Variants in SIN3A observed in about 807,000 individuals in gnomAD.
SIN3A encodes the protein SIN3 transcription regulator family member A.
SIN3A carries 14 observed loss-of-function variants against 146.1 expected under a neutral mutation model. The observed-to-expected ratio is 0.10, with a 90% CI of 0.06 to 0.15. The LOEUF is 0.15. Among genes scored for constraint, SIN3A ranks in the 10% least tolerant of loss-of-function variants. The pLI, the probability that SIN3A is intolerant of heterozygous loss-of-function variation, is 1.00. For missense variants in SIN3A, 1,028 were observed against 1,576.0 expected (o/e 0.65, Z 5.89); for synonymous variants, 572 against 572.0 (o/e 1.00, Z 0.00).
At chr15:75,406,052 G>A (rs1429246289) in intron 9 of SIN3A, among the ~76,000 whole-genome samples, 2 of 152,122 alleles carry the variant, frequency 1.3e-5, no homozygotes, top group African/African-American at 4.8e-5. Flanking sequence ...TACTAATCAC[G>A]GAGATGTTAA....
At chr15:75,449,264 C>T (rs1318530192) in intron 1 of SIN3A, among the ~76,000 whole-genome samples, 2 of 152,192 alleles carry the variant, frequency 1.3e-5, no homozygotes, top group Non-Finnish European at 2.9e-5. Flanking sequence ...TTTGCAACTT[C>T]CTTAGCAGAG....
chr15:75,430,876 C>T (rs776399254), intron 1 of SIN3A, among the ~76,000 whole-genome samples: 3 of 151,946 alleles, frequency 2.0e-5, no homozygotes, highest in African/African-American at 7.3e-5. Context: ...CCCGGGTTCA[C>T]GCCATTCTCC....
chr15:75,409,904 G>C lies in SIN3A; in HGVS notation c.1249C>G (p.Pro417Ala), dbSNP rs776511019. The C allele has an allele frequency of 2.5e-6, 4 of 1,613,974 alleles. No homozygotes were observed. The Admixed American group carries it at 5.0e-5, about 20-fold the overall frequency. The change falls in exon 8 of 21, where the codon CCG becomes GCG. Residue 417 changes from proline (P) to alanine (A), a missense_variant. Coordinates refer to ENST00000394947, the MANE Select transcript of SIN3A (RefSeq NM_001145358.2). ...TVKKPQLNNK[P>A]QRPSQNGCQI... ...CAGCCATTCTGGCTGGGCCTCTGCG[G>C]CTTGTTGTTCAGTTGGGGCTTCTTG...
At chr15:75,386,730 T>C (rs1171175060) in intron 16 of SIN3A, among the ~76,000 whole-genome samples, 1 of 152,176 alleles carries the variant, frequency 6.6e-6, no homozygotes, top group South Asian at 2.1e-4. Context: ...AATCCTTCCA[T>C]GGTGTGGTCC....
chr15:75,387,119 T>C (rs1348246429), intron 16 of SIN3A, among the ~76,000 whole-genome samples: 5 of 152,188 alleles, frequency 3.3e-5, no homozygotes. Context: ...GACTTTGAAA[T>C]ATATGTTGTA....
At chr15:75,394,897 G>A (rs751695891) in intron 13 of SIN3A, 34 bp from the exon 14 acceptor site, 1 of 1,589,450 alleles carries the variant, frequency 6.3e-7, no homozygotes, top group South Asian at 1.1e-5. Flanking sequence ...AACAACACAT[G>A]GGAATTCAGA....
chr15:75,396,533 C>G (rs948897009), intron 12 of SIN3A, 37 bp from the exon 13 acceptor site: 1 of 1,434,294 alleles, frequency 7.0e-7, no homozygotes, highest in Non-Finnish European at 9.7e-7. Flanking sequence ...GCTCAGGACC[C>G]AAATCAAAAT....
chr15:75,451,241 C>T (rs1225685613), intron 1 of SIN3A, 182 bp downstream of exon 1: 4 of 139,680 alleles, frequency 2.9e-5, no homozygotes, highest in Admixed American at 6.9e-5. Flanking sequence ...TCTCCTCCCC[C>T]TCCCGCGCGG....
intron 8 of SIN3A, among the ~76,000 whole-genome samples, chr15:75,407,401 GATC>G (rs2073534856): frequency 6.6e-6 from 1 of 152,104 alleles, no homozygotes; most frequent in Admixed American, 6.6e-5. Context: ...CTCCAGAAAT[GATC>G]ATGACATTAC....
At position 75,392,492 on chromosome 15, in the gene SIN3A, C is replaced by G. The variant is rs750372062; in HGVS notation, c.2601G>C (p.Leu867=). 7 of 1,614,070 alleles carry G rather than the reference C, an allele frequency of 4.3e-6. No individual in the cohort carries two copies. The African/African-American group carries it at 9.3e-5, about 22-fold the overall frequency. The change falls in exon 15 of 21, where the codon CTG becomes CTC. Residue 867 remains leucine, a synonymous_variant. Coordinates refer to ENST00000394947, the MANE Select transcript of SIN3A (RefSeq NM_001145358.2). ...VGGSPPKSKL[L]FSNTAAQKLR... is the part of the protein sequence containing the mutation. Reference sequence around the variant, plus strand: ...ATTTTTGAGCTGCTGTGTTACTAAACAGTAACTTGGACTTAGGGGGACTGC... The same window carrying G: ...ATTTTTGAGCTGCTGTGTTACTAAAGAGTAACTTGGACTTAGGGGGACTGC...
At chr15:75,429,262 A>G (rs1010884518) in intron 2 of SIN3A, among the ~76,000 whole-genome samples, 1 of 152,092 alleles carries the variant, frequency 6.6e-6, no homozygotes, top group Non-Finnish European at 1.5e-5. Context: ...CTCTACAAAA[A>G]TCATAAAAAT....
chr15:75,401,779 A>G lies in SIN3A; in HGVS notation c.1526+73T>C, dbSNP rs1312733504. 3.2e-6 allele frequency: 3 copies of G among 927,814 alleles called. No homozygotes were observed. The East Asian group carries it at 7.2e-5, about 22-fold the overall frequency. 57.5% of individuals were successfully genotyped at this position (927,814 alleles called of 1,614,324 possible). On this transcript the variant is annotated intron_variant, in intron 10 of 20. Coordinates refer to ENST00000394947, the MANE Select transcript of SIN3A (RefSeq NM_001145358.2). ...CTCAAGTAAATTAACTTTGCCTATC[A>G]TATACTCTCACAAATCAAACATTAC...
intron 6 of SIN3A, 54 bp downstream of exon 6, chr15:75,411,438 T>A (rs1461931523): frequency 2.2e-5 from 34 of 1,535,606 alleles, no homozygotes; most frequent in Non-Finnish European, 4.4e-6. Context: ...GTTATTGGAC[T>A]AGATGCCCTA....
At chr15:75,454,952 G>A (rs918674568), upstream of SIN3A, 5 of 152,318 alleles carry the variant, frequency 3.3e-5, no homozygotes, top group African/African-American at 9.6e-5. Flanking sequence ...ACCGAATGCT[G>A]ACTCGACCGC....
chr15:75,441,615 G>A lies in SIN3A; in HGVS notation c.-34+9808C>T, dbSNP rs908171100. The stretch of plus-strand genomic sequence containing the variant: ...TCTGTAAACAGGTACACACCACCAC[G>A]CTTGGCTTCCATTTTGTAAATTTTG... On this transcript the variant is annotated intron_variant, in intron 1 of 20. Coordinates refer to ENST00000394947, the MANE Select transcript of SIN3A (RefSeq NM_001145358.2). Among the ~76,000 whole-genome samples, 7 of 152,020 alleles carry A rather than the reference G, an allele frequency of 4.6e-5. No individual in the cohort carries two copies. The East Asian group carries it at 5.8e-4, about 13-fold the overall frequency.
intron 16 of SIN3A, among the ~76,000 whole-genome samples, chr15:75,387,561 TAAAA>T (rs33945328): frequency 1.6e-4 from 18 of 113,126 alleles, no homozygotes; most frequent in Non-Finnish European, 2.8e-4. Flanking sequence ...CTGTTTCCAT[TAAAA>T]AAAAAAAAAA....
chr15:75,454,146 T>C (rs919685781), upstream of SIN3A, among the ~76,000 whole-genome samples: 68 of 140,960 alleles, frequency 4.8e-4, no homozygotes, highest in African/African-American at 1.8e-3. Flanking sequence ...GCAAGAACCG[T>C]CCCTCCTCCC....
At chr15:75,398,626 C>T (rs1048977299) in intron 12 of SIN3A, among the ~76,000 whole-genome samples, 4 of 151,550 alleles carry the variant, frequency 2.6e-5, no homozygotes, top group African/African-American at 9.7e-5. Context: ...TGCAGTGAGC[C>T]GAGATCACAC....
At chr15:75,411,328 G>A (rs776329404) in intron 6 of SIN3A, among the ~76,000 whole-genome samples, 164 bp downstream of exon 6, 1 of 151,868 alleles carries the variant, frequency 6.6e-6, no homozygotes, top group African/African-American at 2.4e-5. Context: ...ACTCCGTCTC[G>A]AAAAACAAAC....
Sources: gnomAD v4.1 joint callset for allele counts (sites outside exome capture counted in the v4.1 genomes callset) on GRCh38, gnomAD v4.1.1 for gene constraint, MANE v1.5 for transcripts, NCBI Gene and HGNC (gene_info 2026-07-23, HGNC 2026-07-21) for gene names.